The following CFAP299 variants were observed in gnomAD, a reference collection of about 807,000 sequenced individuals.
CFAP299 encodes the protein cilia- and flagella-associated protein 299.
Under a neutral mutation model 27.0 loss-of-function variants are expected in CFAP299, and 21 were observed. That is an observed-to-expected ratio of 0.78 (90% CI 0.55 to 1.12). CFAP299 has a LOEUF of 1.12. CFAP299 is among the 50% of genes most tolerant of loss of function. The pLI is 0.00. For missense variants in CFAP299, 310 were observed against 276.6 expected, an observed-to-expected ratio of 1.12 and a Z score of -0.86; for synonymous variants, 104 against 98.1, an observed-to-expected ratio of 1.06 and a Z score of -0.36.
chr4:80,573,303 A>G (rs1182160226), intron 2 of CFAP299, among the ~76,000 whole-genome samples: 3 of 151,876 alleles, frequency 2.0e-5, no homozygotes, highest in Admixed American at 1.3e-4. Context: ...TCTTTGGCCT[A>G]TTTTTTGATT....
At chr4:80,606,808 A>T (rs1334388390) in intron 3 of CFAP299, among the ~76,000 whole-genome samples, 1 of 148,468 alleles carries the variant, frequency 6.7e-6, no homozygotes, top group East Asian at 2.0e-4. Flanking sequence ...TTAAATCTAC[A>T]CTCTAAATTA....
chr4:80,469,249 A>G (rs1729864881), intron 2 of CFAP299, among the ~76,000 whole-genome samples: 1 of 152,212 alleles, frequency 6.6e-6, no homozygotes, highest in Admixed American at 6.5e-5. Flanking sequence ...GGTGACTCTG[A>G]TGTCTGCTTA....
chr4:80,593,828 G>A (rs1736912198), intron 3 of CFAP299, among the ~76,000 whole-genome samples: 1 of 152,122 alleles, frequency 6.6e-6, no homozygotes, highest in South Asian at 2.1e-4. Flanking sequence ...AGGTGTTTCA[G>A]TGCTATACAT....
chr4:80,942,087 G>A (rs1187788077), intron 4 of CFAP299, among the ~76,000 whole-genome samples: 1 of 152,162 alleles, frequency 6.6e-6, no homozygotes, highest in Non-Finnish European at 1.5e-5. Context: ...GGTTTTTGAT[G>A]GGCCCACACT....
At chr4:80,519,075 T>G (rs1732763165) in intron 2 of CFAP299, among the ~76,000 whole-genome samples, 1 of 152,144 alleles carries the variant, frequency 6.6e-6, no homozygotes, top group African/African-American at 2.4e-5. Context: ...AATAATTAAT[T>G]TTTTCTGCTT....
intron 3 of CFAP299, among the ~76,000 whole-genome samples, chr4:80,678,568 C>T (rs1719626003): frequency 6.6e-6 from 1 of 151,962 alleles, no homozygotes; most frequent in South Asian, 2.1e-4. Flanking sequence ...ATAACTCACC[C>T]ATTTTCACAC....
At chr4:80,790,109 C>CGT (rs1444376035) in intron 3 of CFAP299, among the ~76,000 whole-genome samples, 1 of 151,914 alleles carries the variant, frequency 6.6e-6, no homozygotes, top group Non-Finnish European at 1.5e-5. Context: ...TGTGTGTAAA[C>CGT]TAAGATTTAG....
chr4:80,743,427 C>A (rs1724398837), intron 3 of CFAP299, among the ~76,000 whole-genome samples: 1 of 151,984 alleles, frequency 6.6e-6, no homozygotes, highest in Non-Finnish European at 1.5e-5. Flanking sequence ...TAGCTTTTGA[C>A]ATCTGATAAA....
intron 2 of CFAP299, among the ~76,000 whole-genome samples, chr4:80,545,520 A>C (rs1008423873): frequency 3.9e-5 from 6 of 152,176 alleles, no homozygotes; most frequent in African/African-American, 1.4e-4. Context: ...AGTCCTGGAA[A>C]CACAAAGCCT....
At chr4:80,649,948 G>A (rs879417985) in intron 3 of CFAP299, among the ~76,000 whole-genome samples, 3 of 151,934 alleles carry the variant, frequency 2.0e-5, no homozygotes, top group African/African-American at 4.8e-5. Flanking sequence ...ATTTTTGTAC[G>A]TGATTAATAG....
intron 3 of CFAP299, among the ~76,000 whole-genome samples, chr4:80,756,820 G>A (rs1420444566): frequency 6.6e-6 from 1 of 152,020 alleles, no homozygotes; most frequent in African/African-American, 2.4e-5. Context: ...AAAGTATCTA[G>A]CTAGATCAAG....
chr4:80,362,727 T>C, intron 1 of CFAP299, 27 bp from the exon 2 acceptor site: 1 of 1,573,738 alleles, frequency 6.4e-7, no homozygotes, highest in South Asian at 1.2e-5. Flanking sequence ...ATTTGCCCAC[T>C]CACCTAACAA....
At chr4:80,833,633 C>T (rs1162785627) in intron 3 of CFAP299, among the ~76,000 whole-genome samples, 1 of 152,126 alleles carries the variant, frequency 6.6e-6, no homozygotes, top group Non-Finnish European at 1.5e-5. Flanking sequence ...CCATTTCCTG[C>T]ATTCATTGTG....
At chr4:80,448,484 CTTA>C (rs1187461596) in intron 2 of CFAP299, among the ~76,000 whole-genome samples, 1 of 152,014 alleles carries the variant, frequency 6.6e-6, no homozygotes, top group African/African-American at 2.4e-5. Flanking sequence ...TTTGTATTTT[CTTA>C]TTATATAAAT....
chr4:80,639,739 C>T (rs1248832251), intron 3 of CFAP299: 1 of 153,270 alleles, frequency 6.5e-6, no homozygotes, highest in East Asian at 1.9e-4. Context: ...ATGGCACCAT[C>T]TCGGCTCACT....
At chr4:80,759,530 G>A (rs1725437124) in intron 3 of CFAP299, among the ~76,000 whole-genome samples, 1 of 152,102 alleles carries the variant, frequency 6.6e-6, no homozygotes, top group Non-Finnish European at 1.5e-5. Context: ...TTGTTTTATT[G>A]TTGTATTTTT....
At chr4:80,912,950 C>A (rs1367149158) in intron 4 of CFAP299, among the ~76,000 whole-genome samples, 1 of 152,106 alleles carries the variant, frequency 6.6e-6, no homozygotes, top group Non-Finnish European at 1.5e-5. Context: ...GAAAGAGGGA[C>A]CAGCCATAAC....
chr4:80,609,129 A>G (rs1361125059), intron 3 of CFAP299, among the ~76,000 whole-genome samples: 1 of 152,056 alleles, frequency 6.6e-6, no homozygotes, highest in Non-Finnish European at 1.5e-5. Flanking sequence ...TTTAGTATAC[A>G]TATATTTGCT....
At chr4:80,562,116 A>G (rs540809079) in intron 2 of CFAP299, among the ~76,000 whole-genome samples, 1 of 152,282 alleles carries the variant, frequency 6.6e-6, no homozygotes, top group South Asian at 2.1e-4. Flanking sequence ...CAAGCCTCAT[A>G]GTAACCTCAA....
Sources: gnomAD v4.1 joint callset for allele counts (sites outside exome capture counted in the v4.1 genomes callset) on GRCh38, gnomAD v4.1.1 for gene constraint, MANE v1.5 for transcripts, NCBI Gene and HGNC (gene_info 2026-07-23, HGNC 2026-07-21) for gene names.